The following PDE4B variants were observed in gnomAD, a reference collection of about 807,000 sequenced individuals.
PDE4B encodes the protein 3',5'-cyclic-AMP phosphodiesterase 4B.
Under a neutral mutation model 82.2 loss-of-function variants are expected in PDE4B, and 20 were observed. The observed-to-expected ratio is 0.24, with a 90% CI of 0.17 to 0.35. The LOEUF (loss-of-function observed/expected upper bound fraction) is 0.35. PDE4B is among the 10% of genes least tolerant of loss of function. The pLI is 1.00. For synonymous variants in PDE4B, 320 were observed against 318.9 expected (o/e 1.00, Z -0.04); for missense variants, 655 against 907.2 (o/e 0.72, Z 3.57).
chr1:65,940,725 C>T (rs1017325701), intron 3 of PDE4B, among the ~76,000 whole-genome samples: 6 of 151,978 alleles, frequency 3.9e-5, no homozygotes, highest in Non-Finnish European at 7.4e-5. Flanking sequence ...AAGCTGAAAA[C>T]ACTCAGGGAA....
At chr1:65,977,518 C>A (rs1650471743) in intron 3 of PDE4B, among the ~76,000 whole-genome samples, 1 of 152,094 alleles carries the variant, frequency 6.6e-6, no homozygotes, top group South Asian at 2.1e-4. Flanking sequence ...AGAAATATTT[C>A]AAATATTTAG....
At chr1:65,898,343 A>G (rs1342870971) in intron 1 of PDE4B, among the ~76,000 whole-genome samples, 1 of 152,036 alleles carries the variant, frequency 6.6e-6, no homozygotes, top group African/African-American at 2.4e-5. Context: ...ATTAGGTCAC[A>G]CTTGTCAAAT....
In PDE4B at chr1:65,945,625, T is replaced by C. The variant is rs561399349; in HGVS notation, c.281+26790T>C. Among the ~76,000 whole-genome samples, 11 of 152,120 alleles carry C rather than the reference T, an allele frequency of 7.2e-5. 1 individual carries two copies. In the East Asian group the frequency reaches 2.1e-3, roughly 30 times the overall value. ...ATCAACAGCAGTTACTAAATCAGCT[T>C]TGAAGAGATGGAGCCTATGCCGTTA... On this transcript the variant is annotated intron_variant, in intron 3 of 16. Coordinates refer to ENST00000341517, the MANE Select transcript of PDE4B (RefSeq NM_002600.4).
chr1:66,148,226 C>T (rs1009671772), intron 3 of PDE4B, among the ~76,000 whole-genome samples: 12 of 152,072 alleles, frequency 7.9e-5, no homozygotes, highest in African/African-American at 2.9e-4. Context: ...GCCCAGATTG[C>T]ACCACTGCAC....
chr1:66,183,632 C>G (rs1173184960), intron 3 of PDE4B, among the ~76,000 whole-genome samples: 1 of 152,168 alleles, frequency 6.6e-6, no homozygotes, highest in Non-Finnish European at 1.5e-5. Flanking sequence ...TTTCCAGTTG[C>G]ATTTGTTAGA....
chr1:66,001,775 TGCAGTG>T (rs1007073748), intron 3 of PDE4B, among the ~76,000 whole-genome samples: 2 of 152,148 alleles, frequency 1.3e-5, no homozygotes, highest in Admixed American at 6.5e-5. Context: ...CAGGCTGGAG[TGCAGTG>T]GCATGATCTT....
In PDE4B at chr1:66,247,565, G is replaced by A. The variant is rs748700963; in HGVS notation, c.387G>A (p.Gln129=). 6.2e-7 allele frequency: 1 copy of A among 1,612,418 alleles called. No homozygotes were observed. The highest frequency in any genetic ancestry group is 8.5e-7 in the Non-Finnish European group (1 of 1,179,074). The part of the protein sequence containing the change: ...VLHATFPGHS[Q]RRESFLYRSD... ...ACGCCACCTTTCCTGGGCACAGCCA[G>A]CGCAGAGAGTCATTTCTCTACAGAT... is the stretch of plus-strand genomic sequence containing the variant. Residue 129 remains glutamine, a synonymous_variant, in exon 4 of 17, where the codon CAG becomes CAA. Coordinates refer to ENST00000341517, the MANE Select transcript of PDE4B (RefSeq NM_002600.4).
intron 3 of PDE4B, among the ~76,000 whole-genome samples, chr1:65,981,470 C>T (rs1190137766): frequency 1.3e-5 from 2 of 150,802 alleles, no homozygotes; most frequent in Non-Finnish European, 2.9e-5. Context: ...CAGGATACAA[C>T]TTAATTGGAG....
intron 3 of PDE4B, among the ~76,000 whole-genome samples, chr1:65,965,437 A>G (rs1649767038): frequency 6.6e-6 from 1 of 152,128 alleles, no homozygotes; most frequent in Admixed American, 6.5e-5. Flanking sequence ...AATTAAGTAC[A>G]TTTTATATGA....
At chr1:66,026,856 G>A (rs573093618) in intron 3 of PDE4B, among the ~76,000 whole-genome samples, 86 of 152,260 alleles carry the variant, frequency 5.6e-4, no homozygotes, top group Non-Finnish European at 1.0e-3. Flanking sequence ...CAATTATGGC[G>A]TCCTGAGGGA....
At chr1:65,841,866 C>A (rs972968964) in intron 1 of PDE4B, among the ~76,000 whole-genome samples, 7 of 151,908 alleles carry the variant, frequency 4.6e-5, no homozygotes, top group East Asian at 1.9e-4. Context: ...TGTTTTCTAC[C>A]CTGATTGAAT....
chr1:65,880,698 C>A (rs770884536), intron 1 of PDE4B, among the ~76,000 whole-genome samples: 1 of 152,176 alleles, frequency 6.6e-6, no homozygotes, highest in Non-Finnish European at 1.5e-5. Context: ...CTTGGACGTG[C>A]CAGCCTTCAG....
chr1:65,995,841 T>G (rs1005735487), intron 3 of PDE4B, among the ~76,000 whole-genome samples: 2 of 152,202 alleles, frequency 1.3e-5, no homozygotes, highest in Non-Finnish European at 2.9e-5. Flanking sequence ...ATTGGATTGT[T>G]TTGATTCCAG....
In PDE4B at chr1:66,109,240, G is replaced by T. The variant is rs534319985; in HGVS notation, c.282-138220G>T. Among the ~76,000 whole-genome samples, 8 of 151,886 alleles carry T rather than the reference G, an allele frequency of 5.3e-5. No homozygotes were observed. In the South Asian group the frequency reaches 1.7e-3, roughly 31 times the overall value. ...TTGGAGTTTCTTTACCAAATTATAA[G>T]TAAGAATACAAATGTAGTTGGTGAT... On this transcript the variant is annotated intron_variant, in intron 3 of 16. Transcript: ENST00000341517.
intron 6 of PDE4B, among the ~76,000 whole-genome samples, chr1:66,258,695 CCAAAACCTGTAT>C (rs1654450041): frequency 6.6e-6 from 1 of 152,162 alleles, no homozygotes; most frequent in African/African-American, 2.4e-5. Context: ...CACAGCAGGG[CCAAAACCTGTAT>C]CTAATTTTTC....
intron 7 of PDE4B, among the ~76,000 whole-genome samples, chr1:66,271,406 G>C (rs527690314): frequency 6.6e-6 from 1 of 152,266 alleles, no homozygotes; most frequent in African/African-American, 2.4e-5. Flanking sequence ...TTGAAAGTTG[G>C]AATCATGCAT....
At chr1:65,887,438 T>TTTTTTTTTTTTTTTC (rs1553196174) in intron 1 of PDE4B, among the ~76,000 whole-genome samples, 1 of 115,924 alleles carries the variant, frequency 8.6e-6, no homozygotes, top group Non-Finnish European at 1.7e-5. Flanking sequence ...TTTTTTTTTT[T>TTTTTTTTTTTTTTTC]ACAGGGTCTC....
At chr1:65,849,900 A>G (rs555177111) in intron 1 of PDE4B, among the ~76,000 whole-genome samples, 4 of 152,290 alleles carry the variant, frequency 2.6e-5, no homozygotes, top group Admixed American at 6.5e-5. Flanking sequence ...CAAATTGGAT[A>G]TGGAACTAAG....
At chr1:65,938,963 AC>A (rs1407323657) in intron 3 of PDE4B, among the ~76,000 whole-genome samples, 32 of 152,192 alleles carry the variant, frequency 2.1e-4, no homozygotes, top group African/African-American at 7.5e-4. Context: ...GGGAGCCGAG[AC>A]AGAAAGATAC....
Sources: allele counts gnomAD v4.1 joint callset (sites outside exome capture counted in the v4.1 genomes callset), GRCh38; gene constraint gnomAD v4.1.1; transcripts MANE v1.5; gene names NCBI Gene and HGNC (gene_info 2026-07-23, HGNC 2026-07-21).